Variants in MCC observed in about 807,000 individuals in gnomAD.
MCC encodes the protein MCC regulator of Wnt signaling pathway, also known as colorectal mutant cancer protein.
A neutral mutation model predicts 116.2 loss-of-function variants in MCC; 90 were observed. That is an observed-to-expected ratio of 0.77 (90% CI 0.65 to 0.92). The LOEUF is 0.92. Among genes scored for constraint, MCC ranks in the 40% least tolerant of loss-of-function variants. MCC has a pLI of 0.00. For synonymous variants in MCC, 578 were observed against 510.5 expected (o/e 1.13, Z -1.78); for missense variants, 1,516 against 1,312.2 (o/e 1.16, Z -2.40).
At chr5:113,113,141 T>C (rs1015482355) in intron 6 of MCC, among the ~76,000 whole-genome samples, 2 of 152,202 alleles carry the variant, frequency 1.3e-5, no homozygotes, top group Admixed American at 6.5e-5. Flanking sequence ...GCACACACCA[T>C]GCCTGGTAAA....
chr5:113,246,422 G>A (rs1250844215), intron 3 of MCC, among the ~76,000 whole-genome samples: 2 of 152,254 alleles, frequency 1.3e-5, no homozygotes, highest in East Asian at 3.8e-4. Context: ...AAGAGGGGAA[G>A]TGACGTTACA....
At chr5:113,257,215 T>G (rs10519345) in intron 3 of MCC, among the ~76,000 whole-genome samples, 6,517 of 152,252 alleles carry the variant, frequency 0.043, 590 homozygotes, top group Admixed American at 0.22. Flanking sequence ...GTACCACTTC[T>G]GGTCATCCTG....
At chr5:113,142,287 C>T (rs1759224629) in intron 5 of MCC, among the ~76,000 whole-genome samples, 1 of 151,864 alleles carries the variant, frequency 6.6e-6, no homozygotes, top group South Asian at 2.1e-4. Flanking sequence ...ATTTGGTGAA[C>T]AAAGCGCTCT....
chr5:113,484,460 T>A (rs370841785), intron 1 of MCC, among the ~76,000 whole-genome samples: 2 of 152,216 alleles, frequency 1.3e-5, no homozygotes, highest in Non-Finnish European at 2.9e-5. Context: ...CTGAGTACAC[T>A]GTTTTTGAGA....
intron 3 of MCC, among the ~76,000 whole-genome samples, chr5:113,310,437 G>A (rs114519890): frequency 2.8e-4 from 42 of 152,314 alleles, no homozygotes; most frequent in Non-Finnish European, 4.9e-4. Flanking sequence ...ATAAAGTTCT[G>A]TTCTTTAAAA....
At chr5:113,040,375 C>T (rs908580619) in intron 17 of MCC, among the ~76,000 whole-genome samples, 2 of 152,098 alleles carry the variant, frequency 1.3e-5, no homozygotes, top group African/African-American at 4.8e-5. Flanking sequence ...TCCTTAAGGA[C>T]AGCCCATGGC....
intron 8 of MCC, among the ~76,000 whole-genome samples, chr5:113,094,043 T>C (rs1025153320): frequency 2.6e-5 from 4 of 152,220 alleles, no homozygotes; most frequent in African/African-American, 9.6e-5. Flanking sequence ...TGTGTAGTTT[T>C]TGGAAAGCTG....
At chr5:113,413,612 G>C (rs1770055912) in intron 1 of MCC, among the ~76,000 whole-genome samples, 2 of 152,198 alleles carry the variant, frequency 1.3e-5, no homozygotes, top group Admixed American at 1.3e-4. Context: ...GGGATCGGTA[G>C]TGATATCCCC....
At chr5:113,231,523 T>G (rs1763940631) in intron 3 of MCC, among the ~76,000 whole-genome samples, 1 of 146,932 alleles carries the variant, frequency 6.8e-6, no homozygotes, top group Admixed American at 6.6e-5. Context: ...TGGGTGATGT[T>G]TCACCCATTA....
At chr5:113,236,606 T>C (rs889079780) in intron 3 of MCC, among the ~76,000 whole-genome samples, 4 of 152,362 alleles carry the variant, frequency 2.6e-5, no homozygotes, top group Non-Finnish European at 4.4e-5. Flanking sequence ...AGGCATATAA[T>C]TGAGTGCCAT....
At chr5:113,105,755 C>T (rs1167237099) in intron 6 of MCC, among the ~76,000 whole-genome samples, 1 of 152,220 alleles carries the variant, frequency 6.6e-6, no homozygotes, top group East Asian at 1.9e-4. Context: ...CCTGCCTCTA[C>T]TCTCCACGCG....
At chr5:113,275,359 C>T (rs1561499838) in intron 3 of MCC, among the ~76,000 whole-genome samples, 3 of 152,144 alleles carry the variant, frequency 2.0e-5, no homozygotes, top group Non-Finnish European at 4.4e-5. Context: ...TAGTTAGCAA[C>T]ACAGTTCAAT....
At chr5:113,132,415 TATACACACATAC>T (rs1282365177) in intron 5 of MCC, among the ~76,000 whole-genome samples, 2 of 135,348 alleles carry the variant, frequency 1.5e-5, no homozygotes, top group African/African-American at 5.7e-5. Flanking sequence ...TACATATATA[TATACACACATAC>T]ATATATATAT....
intron 3 of MCC, among the ~76,000 whole-genome samples, chr5:113,216,672 T>G (rs1409080406): frequency 3.9e-5 from 6 of 152,234 alleles, no homozygotes; most frequent in Admixed American, 1.3e-4. Flanking sequence ...TCAGCCATAG[T>G]CCCTTGGTGA....
At chr5:113,212,365 C>A (rs116684837) in intron 3 of MCC, among the ~76,000 whole-genome samples, 3 of 152,052 alleles carry the variant, frequency 2.0e-5, no homozygotes, top group Non-Finnish European at 4.4e-5. Flanking sequence ...TGACAGCCAC[C>A]GCCAGACAAA....
chr5:113,134,662 A>G (rs1581132243), intron 5 of MCC, among the ~76,000 whole-genome samples: 2 of 135,684 alleles, frequency 1.5e-5, no homozygotes, highest in South Asian at 4.6e-4. Flanking sequence ...GATTACATTG[A>G]CTCTATAGAT....
chr5:113,412,780 C>A (rs1272868166), intron 1 of MCC, among the ~76,000 whole-genome samples: 1 of 152,092 alleles, frequency 6.6e-6, no homozygotes, highest in Non-Finnish European at 1.5e-5. Flanking sequence ...TCTTGCCTGA[C>A]TGCCCTGGCC....
chr5:113,165,145 G>T (rs1203915454), intron 3 of MCC, among the ~76,000 whole-genome samples: 1 of 152,184 alleles, frequency 6.6e-6, no homozygotes, highest in East Asian at 1.9e-4. Context: ...GCAGATAAAA[G>T]CTACAACACA....
intron 5 of MCC, among the ~76,000 whole-genome samples, chr5:113,132,544 G>A (rs1758527749): frequency 6.6e-6 from 1 of 151,212 alleles, no homozygotes; most frequent in Non-Finnish European, 1.5e-5. Flanking sequence ...CTGGTCATGA[G>A]GCTATAGCTG....
Sources: allele counts gnomAD v4.1 joint callset (sites outside exome capture counted in the v4.1 genomes callset), GRCh38; gene constraint gnomAD v4.1.1; transcripts MANE v1.5; gene names NCBI Gene and HGNC (gene_info 2026-07-23, HGNC 2026-07-21).